Variants in MTUS2 observed in about 807,000 individuals in gnomAD.
MTUS2 encodes microtubule-associated tumor suppressor candidate 2.
Under a neutral mutation model 114.1 loss-of-function variants are expected in MTUS2, and 40 were observed. The observed-to-expected ratio is 0.35, with a 90% CI of 0.27 to 0.46. MTUS2 has a LOEUF of 0.46. MTUS2 is among the 20% of genes least tolerant of loss of function. MTUS2 has a pLI of 1.00. For synonymous variants in MTUS2, 688 were observed against 672.0 expected (o/e 1.02, Z -0.37); for missense variants, 1,679 against 1,705.4 (o/e 0.98, Z 0.27).
chr13:29,072,430 C>T (rs1356273792), intron 4 of MTUS2, among the ~76,000 whole-genome samples: 1 of 152,100 alleles, frequency 6.6e-6, no homozygotes, highest in Admixed American at 6.6e-5. Flanking sequence ...TGTTGACCAG[C>T]ATCTCTGAGG....
intron 7 of MTUS2, among the ~76,000 whole-genome samples, chr13:29,333,845 A>G (rs1419588415): frequency 1.3e-5 from 2 of 152,108 alleles, no homozygotes; most frequent in African/African-American, 2.4e-5. Flanking sequence ...GGTCTCTAAG[A>G]ACTTATTTTA....
chr13:29,470,802 C>T (rs1400998292), intron 9 of MTUS2, among the ~76,000 whole-genome samples: 4 of 152,190 alleles, frequency 2.6e-5, no homozygotes, highest in African/African-American at 9.7e-5. Flanking sequence ...GTCTTTCTCT[C>T]CGCAGTATGC....
In MTUS2 at chr13:29,389,377, A is replaced by ACACGTGTGTATG. The variant is rs1566172704; in HGVS notation, c.3117+29904_3117+29905insCACGTGTGTATG. Among the ~76,000 whole-genome samples the ACACGTGTGTATG allele has an allele frequency of 4.0e-3, 239 of 59,972 alleles. 22 individuals carry two copies. Among genetic ancestry groups the ACACGTGTGTATG allele is most frequent in the Non-Finnish European group, 5.2e-3 (160 of 30,550 alleles). 39.3% of individuals were successfully genotyped at this position (59,972 alleles called of 152,430 possible). A position where few individuals can be genotyped will look rare whatever the true frequency, so the allele number is the denominator to read the frequency against. Reference sequence around the variant, plus strand: ...TATATATGTATGCACGTGTGTGTATATATGTATACACGTGTGTGTATATAT... The same window carrying ACACGTGTGTATG: ...TATATATGTATGCACGTGTGTGTATACACGTGTGTATGTATGTATACACGTGTGTGTATATAT... On this transcript the variant is annotated intron_variant, in intron 8 of 15. Coordinates refer to ENST00000612955, the MANE Select transcript of MTUS2 (RefSeq NM_001033602.4).
At chr13:29,436,698 T>C (rs1336490946) in intron 8 of MTUS2, among the ~76,000 whole-genome samples, 1 of 152,298 alleles carries the variant, frequency 6.6e-6, no homozygotes, top group East Asian at 1.9e-4. Context: ...CTTCGTGATC[T>C]GTTTTAATAG....
At chr13:29,166,988 A>G (rs182118733) in intron 5 of MTUS2, among the ~76,000 whole-genome samples, 275 of 152,320 alleles carry the variant, frequency 1.8e-3, no homozygotes, top group Non-Finnish European at 3.2e-3. Context: ...CTACCAAGCC[A>G]TGTGTTTTAC....
intron 2 of MTUS2, among the ~76,000 whole-genome samples, chr13:28,891,213 A>G (rs907944720): frequency 6.6e-6 from 1 of 152,212 alleles, no homozygotes; most frequent in Non-Finnish European, 1.5e-5. Flanking sequence ...GAAGCAGCCA[A>G]TGTCTTCTCA....
chr13:28,911,458 G>A (rs1315590244), intron 2 of MTUS2, among the ~76,000 whole-genome samples: 1 of 152,106 alleles, frequency 6.6e-6, no homozygotes, highest in Non-Finnish European at 1.5e-5. Flanking sequence ...ACAGGCGTGA[G>A]CCACCTTGCC....
intron 6 of MTUS2, among the ~76,000 whole-genome samples, chr13:29,300,212 T>G (rs557576550): frequency 6.6e-6 from 1 of 152,304 alleles, no homozygotes; most frequent in East Asian, 1.9e-4. Context: ...AGAAGAGAAT[T>G]TATAACACTC....
intron 2 of MTUS2, among the ~76,000 whole-genome samples, chr13:28,916,487 A>C (rs1451988135): frequency 6.6e-6 from 1 of 151,786 alleles, no homozygotes; most frequent in Non-Finnish European, 1.5e-5. Context: ...AGTGTTTTAT[A>C]GTTTTTATTG....
At chr13:28,847,200 A>G (rs1252993121) in intron 2 of MTUS2, among the ~76,000 whole-genome samples, 3 of 152,230 alleles carry the variant, frequency 2.0e-5, no homozygotes, top group African/African-American at 7.2e-5. Context: ...AAGTGGGAAG[A>G]TATTCAAATA....
chr13:28,883,779 G>A (rs191629460), intron 2 of MTUS2, among the ~76,000 whole-genome samples: 7 of 152,264 alleles, frequency 4.6e-5, no homozygotes, highest in Admixed American at 3.3e-4. Context: ...CTGAAGAGAT[G>A]CTTAATATCA....
intron 2 of MTUS2, among the ~76,000 whole-genome samples, chr13:29,008,277 A>G (rs961837585): frequency 6.6e-6 from 1 of 152,228 alleles, no homozygotes; most frequent in African/African-American, 2.4e-5. Context: ...GAGACAAACA[A>G]GGAAGAAACA....
Position 28,971,972 on chromosome 13 carries a change from A to C in MTUS2, c.-242-52485A>C, listed in dbSNP as rs76595034. On this transcript the variant is annotated intron_variant, in intron 2 of 15. Coordinates refer to ENST00000612955, the MANE Select transcript of MTUS2 (RefSeq NM_001033602.4). ...GACAATTCATGGTAACACTGATTTA[A>C]AGTGCTAATAGCCAAGGGTGAAAAC... 8.5e-3 allele frequency among the ~76,000 whole-genome samples: 1,296 copies of C among 152,346 alleles called. 20 individuals are homozygous for C. Among genetic ancestry groups the C allele is most frequent in the African/African-American group, 0.03 (1,249 of 41,578 alleles).
intron 6 of MTUS2, among the ~76,000 whole-genome samples, chr13:29,319,863 A>G (rs1900179429): frequency 6.7e-6 from 1 of 150,086 alleles, no homozygotes; most frequent in South Asian, 2.1e-4. Flanking sequence ...TAAAAAAAAA[A>G]TAAGGAAAAA....
At chr13:29,191,937 G>A (rs1305050782) in intron 5 of MTUS2, among the ~76,000 whole-genome samples, 1 of 152,130 alleles carries the variant, frequency 6.6e-6, no homozygotes, top group African/African-American at 2.4e-5. Context: ...AAAGATATTT[G>A]TCAGAGATGT....
At chr13:29,213,953 T>C (rs992108421) in intron 5 of MTUS2, among the ~76,000 whole-genome samples, 1 of 152,142 alleles carries the variant, frequency 6.6e-6, no homozygotes, top group Non-Finnish European at 1.5e-5. Flanking sequence ...TTTTTGTTCA[T>C]GTATTAGCTA....
intron 2 of MTUS2, among the ~76,000 whole-genome samples, chr13:28,992,281 G>A (rs1884896320): frequency 6.6e-6 from 1 of 152,184 alleles, no homozygotes; most frequent in African/African-American, 2.4e-5. Context: ...ATGGAGAAAG[G>A]GAAAACAGAA....
At chr13:29,489,232 A>G (rs1466160431) in intron 11 of MTUS2, among the ~76,000 whole-genome samples, 3 of 152,206 alleles carry the variant, frequency 2.0e-5, no homozygotes, top group African/African-American at 7.2e-5. Flanking sequence ...AGATTGCGCC[A>G]TTGCACTCCA....
At chr13:28,971,137 T>A (rs1426984773) in intron 2 of MTUS2, among the ~76,000 whole-genome samples, 1 of 152,182 alleles carries the variant, frequency 6.6e-6, no homozygotes, top group Non-Finnish European at 1.5e-5. Flanking sequence ...GATTTGGGAT[T>A]TTTCAAATAC....
Sources: allele counts gnomAD v4.1 joint callset (sites outside exome capture counted in the v4.1 genomes callset), GRCh38; gene constraint gnomAD v4.1.1; transcripts MANE v1.5; gene names NCBI Gene and HGNC (gene_info 2026-07-23, HGNC 2026-07-21).